Variants in CLPB observed in about 807,000 individuals in gnomAD.
CLPB encodes ClpB family mitochondrial disaggregase.
A neutral mutation model predicts 78.4 loss-of-function variants in CLPB; 40 were observed. That is an observed-to-expected ratio of 0.51 (90% CI 0.40 to 0.66). The LOEUF (loss-of-function observed/expected upper bound fraction) is 0.66, where lower values mean the gene tolerates loss of function less well. Ranked by LOEUF, CLPB falls within the 30% of genes least tolerant of loss-of-function variation. CLPB has a pLI of 0.00. For synonymous variants in CLPB, 333 were observed against 348.0 expected (o/e 0.96, Z 0.48); for missense variants, 780 against 886.9 (o/e 0.88, Z 1.53).
intron 4 of CLPB, among the ~76,000 whole-genome samples, chr11:72,365,319 C>T (rs1452091809): frequency 1.3e-5 from 2 of 152,058 alleles, no homozygotes; most frequent in Non-Finnish European, 2.9e-5. Context: ...AAGACCCTGT[C>T]TCAAAAAATA....
At chr11:72,417,883 TG>T (rs1856070836) in intron 2 of CLPB, among the ~76,000 whole-genome samples, 1 of 152,150 alleles carries the variant, frequency 6.6e-6, no homozygotes, top group Non-Finnish European at 1.5e-5. Flanking sequence ...CTTGAGCCCT[TG>T]GGAATTCCGG....
chr11:72,324,448 T>C (rs745424177), intron 6 of CLPB, among the ~76,000 whole-genome samples: 2 of 151,824 alleles, frequency 1.3e-5, no homozygotes, highest in Non-Finnish European at 2.9e-5. Flanking sequence ...CCCCTGTAAT[T>C]CCAGCTACTG....
At position 72,293,542 on chromosome 11, in the gene CLPB, C is replaced by T. The variant is rs137882645; in HGVS notation, c.1859G>A (p.Arg620His). ...CTTGTCTGAGTCCTCCACCGTGATG[C>T]GCAAAGTACAGCCCCCTGGCAGCAG... Reference protein sequence around the residue: ...QDLLPGGCTLRITVEDSDKQL... With the variant: ...QDLLPGGCTLHITVEDSDKQL... The change falls in exon 16 of 16, where the codon CGC (arginine) becomes CAC (histidine). Residue 620 changes from arginine to histidine, a missense_variant. Around this residue, in one of 3 missense-constraint regions of CLPB, gnomAD observed 272 missense variants for 304.0 expected, o/e 0.89. Transcript: ENST00000538039. 3.0e-5 allele frequency: 49 copies of T among 1,613,988 alleles called. No homozygotes were observed. In the African/African-American group the frequency reaches 4.8e-4, roughly 16 times the overall value.
At chr11:72,420,275 C>T (rs1298067774) in intron 2 of CLPB, among the ~76,000 whole-genome samples, 1 of 152,086 alleles carries the variant, frequency 6.6e-6, no homozygotes, top group Admixed American at 6.5e-5. Context: ...CCGAGGTGGG[C>T]GGATCAAGAG....
At chr11:72,420,153 T>G (rs1353616814) in intron 2 of CLPB, among the ~76,000 whole-genome samples, 1 of 152,022 alleles carries the variant, frequency 6.6e-6, no homozygotes, top group Non-Finnish European at 1.5e-5. Context: ...GACCAGCCTG[T>G]GCAACATGAT....
intron 3 of CLPB, among the ~76,000 whole-genome samples, chr11:72,386,968 A>G (rs903156823): frequency 6.6e-6 from 1 of 152,230 alleles, no homozygotes; most frequent in East Asian, 1.9e-4. Flanking sequence ...AAAAAGGCAG[A>G]TACAGATAGG....
chr11:72,389,566 A>G (rs1028822743), intron 3 of CLPB, among the ~76,000 whole-genome samples: 2 of 152,200 alleles, frequency 1.3e-5, no homozygotes, highest in African/African-American at 2.4e-5. Context: ...GTTTTTCTAT[A>G]TCAGGACACA....
At chr11:72,329,215 C>T (rs1950179755) in intron 6 of CLPB, among the ~76,000 whole-genome samples, 3 of 151,998 alleles carry the variant, frequency 2.0e-5, no homozygotes, top group Admixed American at 2.0e-4. Context: ...TTTTTTGGCT[C>T]AGATTCTATA....
chr11:72,341,843 G>A (rs1392152409), intron 5 of CLPB, among the ~76,000 whole-genome samples: 1 of 152,238 alleles, frequency 6.6e-6, no homozygotes, highest in African/African-American at 2.4e-5. Flanking sequence ...TTTATAGGCA[G>A]TGGGAACTGC....
intron 2 of CLPB, among the ~76,000 whole-genome samples, chr11:72,418,866 A>G (rs1366781039): frequency 6.6e-6 from 1 of 151,748 alleles, no homozygotes; most frequent in Non-Finnish European, 1.5e-5. Flanking sequence ...AAAAAAAAAA[A>G]AAAAAAGAAA....
chr11:72,427,349 C>T (rs534817062), intron 2 of CLPB, among the ~76,000 whole-genome samples: 18 of 152,246 alleles, frequency 1.2e-4, no homozygotes, highest in Non-Finnish European at 1.8e-4. Flanking sequence ...ACATTATTTA[C>T]GAGGTCTGAG....
chr11:72,425,344 A>G (rs1017658167), intron 2 of CLPB, among the ~76,000 whole-genome samples: 2 of 152,336 alleles, frequency 1.3e-5, no homozygotes, highest in African/African-American at 4.8e-5. Flanking sequence ...AGCTCTGAAT[A>G]TGCACTCGTA....
At chr11:72,403,985 C>T (rs1590903622) in intron 2 of CLPB, among the ~76,000 whole-genome samples, 1 of 152,164 alleles carries the variant, frequency 6.6e-6, no homozygotes, top group South Asian at 2.1e-4. Flanking sequence ...GTAATCGCCT[C>T]TTTTCAGGGA....
At chr11:72,389,669 T>C (rs1362263846) in intron 3 of CLPB, among the ~76,000 whole-genome samples, 1 of 152,186 alleles carries the variant, frequency 6.6e-6, no homozygotes, top group African/African-American at 2.4e-5. Flanking sequence ...CTCATACCTA[T>C]AATTCCAGCA....
intron 4 of CLPB, among the ~76,000 whole-genome samples, chr11:72,365,884 T>A (rs1475129337): frequency 6.6e-6 from 1 of 152,130 alleles, no homozygotes; most frequent in African/African-American, 2.4e-5. Context: ...GACCTCTACC[T>A]CTCACCATAT....
chr11:72,387,410 C>T lies in CLPB; in HGVS notation c.543-7026G>A, dbSNP rs959080556. ...TTAGTTATTATTACTATGTACCTGA[C>T]CCTGTGGCTGGACTAAGGAAAGTCA... On this transcript the variant is annotated intron_variant, in intron 3 of 15. Coordinates refer to ENST00000538039, the MANE Select transcript of CLPB (RefSeq NM_001258392.3). Among the ~76,000 whole-genome samples the T allele has an allele frequency of 1.1e-4, 16 of 151,824 alleles. 1 individual carries two copies. Among genetic ancestry groups the T allele is most frequent in the Admixed American group, 1.3e-4 (2 of 15,268 alleles).
chr11:72,325,920 A>G (rs1420550103), intron 6 of CLPB, among the ~76,000 whole-genome samples: 1 of 152,190 alleles, frequency 6.6e-6, no homozygotes, highest in Non-Finnish European at 1.5e-5. Context: ...TTTTACAAAA[A>G]AGGCCATCTA....
At position 72,293,494 on chromosome 11, in the gene CLPB, A is replaced by T; in HGVS notation, c.1907T>A (p.Leu636Gln). ...GCGCTTCTCAGCCTGGGGTGAGGGC[A>T]GTTCTGGGCTTTTGAGTAGCTGCTT... The part of the protein sequence containing the change: ...SDKQLLKSPE[L>Q]PSPQAEKRLP... Residue 636 changes from leucine to glutamine, a missense_variant, in exon 16 of 16, where the codon CTG (leucine) becomes CAG (glutamine). Physicochemically the swap from Leu to Gln is moderately radical, Grantham distance 113 (BLOSUM62 -2). Transcript: ENST00000538039. 6.2e-7 allele frequency: 1 copy of T among 1,614,114 alleles called. No individual in the cohort carries two copies. Among genetic ancestry groups the T allele is most frequent in the Non-Finnish European group, 8.5e-7 (1 of 1,180,006 alleles).
rs778865146 is a variant in CLPB, at chr11:72,304,858, G to A, written c.1122+2341C>T. 4.6e-5 allele frequency among the ~76,000 whole-genome samples: 7 copies of A among 152,184 alleles called. No homozygotes were observed. In the South Asian group the frequency reaches 8.3e-4, roughly 18 times the overall value. ...AAAAGTCTATTTTACACTGGGCTCT[G>A]AGAATGACACTTTCCATACATCACT... On this transcript the variant is annotated intron_variant, in intron 9 of 15. Transcript: ENST00000538039.
Sources: gnomAD v4.1 joint callset for allele counts (sites outside exome capture counted in the v4.1 genomes callset) on GRCh38, gnomAD v4.1.1 for gene constraint, gnomAD v4.1.1 regional missense constraint, MANE v1.5 for transcripts, NCBI Gene and HGNC (gene_info 2026-07-23, HGNC 2026-07-21) for gene names.